TRAPPC9: variants seen among roughly 807,000 people sequenced by gnomAD.
TRAPPC9 encodes IKK2 binding protein.
In TRAPPC9, 83 loss-of-function variants were observed where a neutral mutation model predicts 124.0. The observed-to-expected ratio is 0.67, with a 90% CI of 0.56 to 0.80. The LOEUF is 0.80. Ranked by LOEUF, TRAPPC9 falls within the 30% of genes least tolerant of loss-of-function variation. The probability of loss-of-function intolerance (pLI) is 0.00; values close to 1 mark genes in which losing one functional copy is unlikely to be tolerated. For missense variants in TRAPPC9, 1,302 were observed against 1,508.3 expected, an observed-to-expected ratio of 0.86 and a Z score of 2.27; for synonymous variants, 638 against 617.5, an observed-to-expected ratio of 1.03 and a Z score of -0.49.
intron 21 of TRAPPC9, among the ~76,000 whole-genome samples, chr8:139,863,502 G>C (rs961392454): frequency 6.6e-6 from 1 of 152,228 alleles, no homozygotes; most frequent in Non-Finnish European, 1.5e-5. Flanking sequence ...AATCCAGAGC[G>C]TGGAACCTTG....
In TRAPPC9 at chr8:139,761,538, C is replaced by G. The variant is rs146898159; in HGVS notation, c.3056-29336G>C. ...TGGCTTGCCCACCTCCTCCTCCCAA[C>G]CCCACACCCTGCCTGGTACTATGAC... On this transcript the variant is annotated intron_variant, in intron 21 of 22. Coordinates refer to ENST00000438773, the MANE Select transcript of TRAPPC9 (RefSeq NM_001160372.4). 5.9e-5 allele frequency among the ~76,000 whole-genome samples: 9 copies of G among 152,286 alleles called. No individual in the cohort carries two copies. The East Asian group carries it at 1.7e-3, about 29-fold the overall frequency.
intron 15 of TRAPPC9, among the ~76,000 whole-genome samples, chr8:140,253,852 G>A (rs559952245): frequency 2.0e-5 from 3 of 152,238 alleles, no homozygotes; most frequent in South Asian, 4.1e-4. Flanking sequence ...TGACTAACTC[G>A]AGTGCCATGG....
Position 139,803,096 on chromosome 8 carries a change from T to C in TRAPPC9, c.3056-70894A>G, listed in dbSNP as rs114038775. 2.8e-3 allele frequency among the ~76,000 whole-genome samples: 430 copies of C among 151,846 alleles called. 6 individuals carry two copies. Among genetic ancestry groups the C allele is most frequent in the African/African-American group, 9.9e-3 (411 of 41,382 alleles). ...TGCTGCGTGCTTGTTGTGTATGTCA[T>C]TGTGTGTGCATCCATGCGTGAATGT... On this transcript the variant is annotated intron_variant, in intron 21 of 22. Transcript: ENST00000438773.
rs558974995 is a variant in TRAPPC9 at position 139,889,161 on chromosome 8, T to C, written c.2965-3192A>G. Among the ~76,000 whole-genome samples the C allele has an allele frequency of 1.2e-3, 182 of 152,284 alleles. 1 individual carries two copies. Among genetic ancestry groups the C allele is most frequent in the African/African-American group, 4.2e-3 (176 of 41,566 alleles). On this transcript the variant is annotated intron_variant, in intron 20 of 22. Coordinates refer to ENST00000438773, the MANE Select transcript of TRAPPC9 (RefSeq NM_001160372.4). ...ACACATGCTACAACATGGATGAACC[T>C]TGAGGACATTATGCCAAGGGGAATA...
At position 139,923,062 on chromosome 8, in the gene TRAPPC9, C is replaced by T. The variant is rs925733676; in HGVS notation, c.2811-12762G>A. Among the ~76,000 whole-genome samples the T allele has an allele frequency of 5.9e-5, 9 of 152,106 alleles. 1 individual carries two copies. The highest frequency in any genetic ancestry group is 5.9e-5 in the Non-Finnish European group (4 of 68,032). On this transcript the variant is annotated intron_variant, in intron 19 of 22. Transcript: ENST00000438773. Reference sequence around the variant, plus strand: ...TTTTGTAGAAGAGCTGCAGATGGGCCGGACTGGTAAGCCAGCTAAAACACA... The same window carrying T: ...TTTTGTAGAAGAGCTGCAGATGGGCTGGACTGGTAAGCCAGCTAAAACACA...
intron 17 of TRAPPC9, among the ~76,000 whole-genome samples, chr8:140,218,487 G>T (rs1274557994): frequency 6.6e-6 from 1 of 152,010 alleles, no homozygotes; most frequent in African/African-American, 2.4e-5. Context: ...GGGAGACTGT[G>T]GCATTTTAGA....
chr8:140,053,320 ATTG>A (rs1464239804), intron 17 of TRAPPC9, among the ~76,000 whole-genome samples: 2 of 152,184 alleles, frequency 1.3e-5, no homozygotes, highest in African/African-American at 4.8e-5. Flanking sequence ...GGCTGACCCA[ATTG>A]TTGTCCAGGA....
intron 17 of TRAPPC9, among the ~76,000 whole-genome samples, chr8:140,107,027 TAGAG>T (rs2060679154): frequency 6.6e-6 from 1 of 152,150 alleles, no homozygotes; most frequent in Admixed American, 6.5e-5. Flanking sequence ...CCTCCAGACA[TAGAG>T]AGGAGATTTT....
In TRAPPC9 at chr8:139,777,914, TA is replaced by T. The variant is rs1347075123; in HGVS notation, c.3056-45713del. Among the ~76,000 whole-genome samples the T allele has an allele frequency of 2.0e-5, 3 of 151,630 alleles. No homozygotes were observed. In the South Asian group the frequency reaches 6.2e-4, roughly 32 times the overall value. ...AGTTGAGGAGCTGGAACTGAGAGTCTAGGAAGGTGAATGCAGCTAGAGTTTA... is the reference window on the plus strand; with the variant it reads ...AGTTGAGGAGCTGGAACTGAGAGTCTGGAAGGTGAATGCAGCTAGAGTTTA... On this transcript the variant is annotated intron_variant, in intron 21 of 22. Transcript: ENST00000438773.
At chr8:140,297,434 C>A (rs1485818700) in intron 11 of TRAPPC9, among the ~76,000 whole-genome samples, 4 of 152,198 alleles carry the variant, frequency 2.6e-5, no homozygotes, top group African/African-American at 4.8e-5. Context: ...CATACACACA[C>A]ATACACACAT....
intron 21 of TRAPPC9, among the ~76,000 whole-genome samples, chr8:139,830,005 G>C (rs1415914109): frequency 1.3e-5 from 2 of 152,218 alleles, no homozygotes; most frequent in Admixed American, 1.3e-4. Context: ...AAGGAGAAGA[G>C]TGACATGGAA....
chr8:140,272,371 G>GTGTA (rs879404180), intron 15 of TRAPPC9, among the ~76,000 whole-genome samples: 12,638 of 148,332 alleles, frequency 0.085, 1,464 homozygotes, highest in African/African-American at 0.26. Context: ...TGGTAGTGAG[G>GTGTA]GTGGTGGTGA....
intron 10 of TRAPPC9, among the ~76,000 whole-genome samples, chr8:140,307,056 G>A (rs924848302): frequency 6.6e-6 from 1 of 152,160 alleles, no homozygotes; most frequent in Non-Finnish European, 1.5e-5. Flanking sequence ...GTGGTTTGCA[G>A]GGACTCGGTC....
chr8:140,207,615 A>T (rs1450467370), intron 17 of TRAPPC9, among the ~76,000 whole-genome samples: 4 of 152,224 alleles, frequency 2.6e-5, no homozygotes, highest in African/African-American at 9.6e-5. Flanking sequence ...AGTCCCACCT[A>T]GCACTGCAAA....
rs145480214 is a variant in TRAPPC9 at position 139,845,835 on chromosome 8, T to C, written c.3055+40044A>G. Among the ~76,000 whole-genome samples the C allele has an allele frequency of 8.7e-4, 133 of 152,360 alleles. 1 individual carries two copies. Among genetic ancestry groups the C allele is most frequent in the African/African-American group, 2.8e-3 (118 of 41,598 alleles). ...CTGCTACTTGCAGCCAAGTAGACCC[T>C]AACAGACAAGCTGTGGCCTTTGGGG... On this transcript the variant is annotated intron_variant, in intron 21 of 22. Transcript: ENST00000438773.
intron 14 of TRAPPC9, 67 bp from the exon 15 acceptor site, chr8:140,275,888 A>G: frequency 7.6e-7 from 1 of 1,317,892 alleles, no homozygotes; most frequent in Admixed American, 1.8e-5. Context: ...AAAATTACTC[A>G]CTTCCCAAAG....
intron 21 of TRAPPC9, among the ~76,000 whole-genome samples, chr8:139,869,928 T>A (rs897016018): frequency 3.3e-5 from 5 of 151,960 alleles, no homozygotes; most frequent in Admixed American, 1.3e-4. Context: ...CACCGGAAAA[T>A]TCATATCCTT....
chr8:140,194,859 G>T (rs2062599175), intron 17 of TRAPPC9, among the ~76,000 whole-genome samples: 2 of 150,904 alleles, frequency 1.3e-5, no homozygotes, highest in Non-Finnish European at 2.9e-5. Flanking sequence ...CACACTCAAA[G>T]ACCCACCATA....
intron 21 of TRAPPC9, among the ~76,000 whole-genome samples, chr8:139,806,673 C>T (rs1824085341): frequency 6.6e-6 from 1 of 152,218 alleles, no homozygotes; most frequent in African/African-American, 2.4e-5. Flanking sequence ...GATAGCCTTC[C>T]CAGGCACCTG....
Sources: allele counts gnomAD v4.1 joint callset (sites outside exome capture counted in the v4.1 genomes callset), GRCh38; gene constraint gnomAD v4.1.1; transcripts MANE v1.5; gene names NCBI Gene and HGNC (gene_info 2026-07-23, HGNC 2026-07-21).